Variants in CNTN5 observed in about 807,000 individuals in gnomAD.
CNTN5 encodes contactin-5.
In CNTN5, 77 loss-of-function variants were observed where a neutral mutation model predicts 129.1. The observed-to-expected ratio is 0.60, with a 90% CI of 0.50 to 0.72. CNTN5 has a LOEUF of 0.72. Ranked by LOEUF, CNTN5 falls within the 30% of genes least tolerant of loss-of-function variation. The pLI is 0.00. For missense variants in CNTN5, 1,478 were observed against 1,328.8 expected, an observed-to-expected ratio of 1.11 and a Z score of -1.75; for synonymous variants, 509 against 465.6, an observed-to-expected ratio of 1.09 and a Z score of -1.20.
chr11:99,937,403 A>G (rs139648331), intron 7 of CNTN5, among the ~76,000 whole-genome samples: 5 of 152,330 alleles, frequency 3.3e-5, no homozygotes, highest in African/African-American at 9.6e-5. Context: ...ATGGTGGATC[A>G]TTCACTGGAA....
chr11:99,348,317 C>T (rs79170768), intron 2 of CNTN5, among the ~76,000 whole-genome samples: 142 of 152,122 alleles, frequency 9.3e-4, no homozygotes, highest in African/African-American at 3.3e-3. Flanking sequence ...CCAGCCTGGG[C>T]GACAGAGCGA....
intron 3 of CNTN5, among the ~76,000 whole-genome samples, chr11:99,669,441 G>GGTGTGTGTGTGT (rs767426378): frequency 1.9e-5 from 2 of 105,926 alleles, no homozygotes; most frequent in African/African-American, 6.8e-5. Context: ...TATTAAATAT[G>GGTGTGTGTGTGT]GTGTGTGTGT....
At chr11:99,701,527 A>C (rs529001822) in intron 3 of CNTN5, among the ~76,000 whole-genome samples, 1 of 150,736 alleles carries the variant, frequency 6.6e-6, no homozygotes, top group African/African-American at 2.4e-5. Flanking sequence ...GAACAAAATA[A>C]AAATAATTTT....
intron 1 of CNTN5, among the ~76,000 whole-genome samples, chr11:99,181,884 A>G (rs1387481738): frequency 6.6e-6 from 1 of 152,172 alleles, no homozygotes; most frequent in Non-Finnish European, 1.5e-5. Flanking sequence ...TTGACAAGGT[A>G]CCACTAACAA....
intron 3 of CNTN5, among the ~76,000 whole-genome samples, chr11:99,610,754 G>A (rs1950570336): frequency 6.6e-6 from 1 of 152,136 alleles, no homozygotes; most frequent in Non-Finnish European, 1.5e-5. Flanking sequence ...CGCAAGCTTA[G>A]TTTAGGTTGT....
intron 18 of CNTN5, among the ~76,000 whole-genome samples, chr11:100,281,189 T>G (rs1950629728): frequency 6.6e-6 from 1 of 152,162 alleles, no homozygotes; most frequent in Non-Finnish European, 1.5e-5. Flanking sequence ...AATGAGTTTT[T>G]TACATTCAAA....
At chr11:99,632,757 G>C (rs188502710) in intron 3 of CNTN5, among the ~76,000 whole-genome samples, 36 of 152,268 alleles carry the variant, frequency 2.4e-4, no homozygotes, top group African/African-American at 6.7e-4. Flanking sequence ...AGAAAAGTCT[G>C]AGATGTTGTT....
intron 9 of CNTN5, among the ~76,000 whole-genome samples, chr11:100,046,607 T>A (rs891476120): frequency 6.6e-6 from 1 of 152,186 alleles, no homozygotes; most frequent in African/African-American, 2.4e-5. Context: ...TTATTTTATC[T>A]AATAAATAAT....
intron 2 of CNTN5, among the ~76,000 whole-genome samples, chr11:99,387,962 AT>A (rs58900130): frequency 1.1e-4 from 16 of 151,898 alleles, no homozygotes; most frequent in African/African-American, 3.9e-4. Context: ...ATGTATCAAA[AT>A]TTTTTTAAGC....
At chr11:99,880,734 C>A in intron 6 of CNTN5, among the ~76,000 whole-genome samples, 1 of 152,090 alleles carries the variant, frequency 6.6e-6, no homozygotes. Flanking sequence ...TTTAAATCAC[C>A]TTCTCAGTGG....
intron 3 of CNTN5, among the ~76,000 whole-genome samples, chr11:99,744,493 A>G (rs1316049627): frequency 7.3e-6 from 1 of 136,874 alleles, no homozygotes; most frequent in Non-Finnish European, 1.5e-5. Context: ...TGAGCCCAGG[A>G]GTTAGCGACC....
At chr11:99,757,094 G>A (rs1252625609) in intron 3 of CNTN5, among the ~76,000 whole-genome samples, 1 of 152,006 alleles carries the variant, frequency 6.6e-6, no homozygotes, top group Non-Finnish European at 1.5e-5. Context: ...CAAGGAGTCA[G>A]CAGGGTCGTG....
At chr11:99,984,024 T>C (rs1465608012) in intron 8 of CNTN5, among the ~76,000 whole-genome samples, 3 of 152,234 alleles carry the variant, frequency 2.0e-5, no homozygotes, top group East Asian at 1.9e-4. Flanking sequence ...CCCCAGCACT[T>C]TGGGAGGCTG....
chr11:99,624,446 G>A (rs1029921202), intron 3 of CNTN5, among the ~76,000 whole-genome samples: 5 of 151,948 alleles, frequency 3.3e-5, no homozygotes, highest in African/African-American at 1.2e-4. Context: ...TGTTTTTTGA[G>A]CTCACTTCAA....
At chr11:99,727,177 G>A (rs1220803780) in intron 3 of CNTN5, among the ~76,000 whole-genome samples, 1 of 148,348 alleles carries the variant, frequency 6.7e-6, no homozygotes, top group East Asian at 2.0e-4. Flanking sequence ...GCGGTGGCGG[G>A]CGCCTGTAGT....
intron 3 of CNTN5, among the ~76,000 whole-genome samples, chr11:99,752,671 T>A (rs1171642463): frequency 2.0e-5 from 3 of 152,202 alleles, no homozygotes; most frequent in South Asian, 2.1e-4. Context: ...GTTTTCTACA[T>A]AAATAAAGGG....
rs180845495 is a variant in CNTN5 at position 99,064,495 on chromosome 11, G to T, written c.-210+43225G>T. ...ATCAGAGAACAGTCAAAAGGCATCTGTTAGTCCAGAAGTAATTGAATACCA... is the reference window on the plus strand; with the variant it reads ...ATCAGAGAACAGTCAAAAGGCATCTTTTAGTCCAGAAGTAATTGAATACCA... On this transcript the variant is annotated intron_variant, in intron 1 of 24. Coordinates refer to ENST00000524871, the MANE Select transcript of CNTN5 (RefSeq NM_014361.4). 2.6e-5 allele frequency among the ~76,000 whole-genome samples: 4 copies of T among 152,230 alleles called. No homozygotes were observed. The East Asian group carries it at 7.7e-4, about 29-fold the overall frequency.
chr11:99,745,714 T>C (rs985694077), intron 3 of CNTN5, among the ~76,000 whole-genome samples: 1 of 135,790 alleles, frequency 7.4e-6, no homozygotes, highest in Non-Finnish European at 1.6e-5. Flanking sequence ...AAGCCTTGTA[T>C]ATGACCTGAA....
At chr11:99,552,417 A>G (rs967923480) in intron 2 of CNTN5, among the ~76,000 whole-genome samples, 1 of 152,126 alleles carries the variant, frequency 6.6e-6, no homozygotes, top group African/African-American at 2.4e-5. Flanking sequence ...GATAACTAAG[A>G]TGTAAATAGA....
Sources: allele counts gnomAD v4.1 joint callset (sites outside exome capture counted in the v4.1 genomes callset), GRCh38; gene constraint gnomAD v4.1.1; transcripts MANE v1.5; gene names NCBI Gene and HGNC (gene_info 2026-07-23, HGNC 2026-07-21).